The following AGBL4 variants were observed in gnomAD, a reference collection of about 807,000 sequenced individuals.
The protein encoded by AGBL4 is AGBL carboxypeptidase 4, also known as cytosolic carboxypeptidase 6.
A neutral mutation model predicts 66.4 loss-of-function variants in AGBL4; 58 were observed. That is an observed-to-expected ratio of 0.87 (90% CI 0.71 to 1.09). AGBL4 has a LOEUF of 1.09. Among genes scored for constraint, AGBL4 ranks in the 50% least tolerant of loss-of-function variants. The pLI, the probability that AGBL4 is intolerant of heterozygous loss-of-function variation, is 0.00. For missense variants in AGBL4, 579 were observed against 631.0 expected, an observed-to-expected ratio of 0.92 and a Z score of 0.88; for synonymous variants, 234 against 222.9, an observed-to-expected ratio of 1.05 and a Z score of -0.44.
At chr1:49,486,377 T>G (rs1173987481) in intron 3 of AGBL4, among the ~76,000 whole-genome samples, 2 of 151,942 alleles carry the variant, frequency 1.3e-5, no homozygotes, top group African/African-American at 2.4e-5. Context: ...ATACAGCTGG[T>G]TAAACACACC....
At chr1:49,243,546 G>A (rs1482910791) in intron 4 of AGBL4, among the ~76,000 whole-genome samples, 1 of 151,682 alleles carries the variant, frequency 6.6e-6, no homozygotes, top group East Asian at 1.9e-4. Flanking sequence ...ACAGTAGCAA[G>A]GAGAATAACA....
intron 9 of AGBL4, among the ~76,000 whole-genome samples, chr1:48,601,548 G>T: frequency 6.6e-6 from 1 of 152,178 alleles, no homozygotes; most frequent in Non-Finnish European, 1.5e-5. Flanking sequence ...GGAGCTTGGG[G>T]ACAAGCTTAC....
At chr1:49,659,040 TA>T (rs1190915895) in intron 3 of AGBL4, among the ~76,000 whole-genome samples, 1 of 151,992 alleles carries the variant, frequency 6.6e-6, no homozygotes, top group African/African-American at 2.4e-5. Flanking sequence ...ATTTTCAACC[TA>T]AAATTGTATA....
chr1:48,979,855 A>G lies in AGBL4; in HGVS notation c.594+65729T>C, dbSNP rs549063039. Among the ~76,000 whole-genome samples the G allele has an allele frequency of 2.4e-4, 36 of 152,310 alleles. 1 individual carries two copies. In the South Asian group the frequency reaches 7.5e-3, roughly 32 times the overall value. On this transcript the variant is annotated intron_variant, in intron 5 of 13. Transcript: ENST00000371839. ...ATGATACTTCCCAATTTTATATAGA[A>G]GGGAGGTTTTATGAGTTGAAATTAA... is the stretch of plus-strand genomic sequence containing the variant.
At chr1:49,728,935 AC>A (rs993021952) in intron 2 of AGBL4, among the ~76,000 whole-genome samples, 4 of 152,238 alleles carry the variant, frequency 2.6e-5, no homozygotes, top group African/African-American at 9.6e-5. Flanking sequence ...AAGATTAGTA[AC>A]AAAATGTCAA....
At chr1:48,759,440 T>A in intron 6 of AGBL4, 1 of 1,295,794 alleles carries the variant, frequency 7.7e-7, no homozygotes. Flanking sequence ...CCCTTCATTT[T>A]ATAAATGGGG....
chr1:48,683,702 C>T (rs1310229900), intron 6 of AGBL4, among the ~76,000 whole-genome samples: 1 of 152,178 alleles, frequency 6.6e-6, no homozygotes, highest in Non-Finnish European at 1.5e-5. Flanking sequence ...TCGTCTGGCT[C>T]CATTAACAAG....
chr1:49,262,099 C>T (rs1276472556), intron 3 of AGBL4, among the ~76,000 whole-genome samples: 1 of 152,058 alleles, frequency 6.6e-6, no homozygotes, highest in Non-Finnish European at 1.5e-5. Flanking sequence ...GGAAAACTGG[C>T]TAGCCATATG....
chr1:49,366,158 CA>C (rs999162266), intron 3 of AGBL4, among the ~76,000 whole-genome samples: 57 of 150,568 alleles, frequency 3.8e-4, no homozygotes, highest in Non-Finnish European at 6.8e-4. Context: ...CCTCATTCTT[CA>C]AAAAAAAAGA....
intron 6 of AGBL4, among the ~76,000 whole-genome samples, chr1:48,682,476 A>G (rs535739284): frequency 6.6e-6 from 1 of 150,594 alleles, no homozygotes; most frequent in Admixed American, 6.6e-5. Flanking sequence ...AGGCATGATC[A>G]TGGCTCACTG....
chr1:49,392,169 TA>T (rs1644864690), intron 3 of AGBL4, among the ~76,000 whole-genome samples: 2 of 152,164 alleles, frequency 1.3e-5, no homozygotes, highest in Non-Finnish European at 2.9e-5. Flanking sequence ...GTAAATTAAG[TA>T]AAATTATAAT....
At chr1:49,483,115 C>T (rs565356986) in intron 3 of AGBL4, among the ~76,000 whole-genome samples, 32 of 151,984 alleles carry the variant, frequency 2.1e-4, no homozygotes, top group Non-Finnish European at 3.4e-4. Flanking sequence ...TGGAGAGTTC[C>T]GTAGATATCT....
Position 49,699,323 on chromosome 1 carries a change from T to A in AGBL4, c.158-1886A>T, listed in dbSNP as rs369773727. Among the ~76,000 whole-genome samples, 4 of 152,032 alleles carry A rather than the reference T, an allele frequency of 2.6e-5. No individual in the cohort carries two copies. In the East Asian group the frequency reaches 7.7e-4, roughly 29 times the overall value. Reference sequence around the variant, plus strand: ...TTGTGATGAGCATTCTCTGTATGTGTGTGTGTGTACATAAAAAATACTTTC... The same window carrying A: ...TTGTGATGAGCATTCTCTGTATGTGAGTGTGTGTACATAAAAAATACTTTC... On this transcript the variant is annotated intron_variant, in intron 2 of 13. Transcript: ENST00000371839.
Position 48,736,136 on chromosome 1 carries a change from G to T in AGBL4, c.635-72895C>A. 2 of 1,339,882 alleles carry T rather than the reference G, an allele frequency of 1.5e-6. No individual in the cohort carries two copies. The highest frequency in any genetic ancestry group is 2.1e-6 in the Non-Finnish European group (2 of 945,490). 83.0% of individuals were successfully genotyped at this position (1,339,882 alleles called of 1,614,324 possible). ...CCGGGCTCAGCCCAGGGTCTGGCAT[G>T]CAGAAGCTTCATAAGTAATCGTTGA... On this transcript the variant is annotated intron_variant, in intron 6 of 13. Coordinates refer to ENST00000371839, the MANE Select transcript of AGBL4 (RefSeq NM_032785.4). This position sits in a 1 kb window ranked among gnomAD's most constrained non-coding sequence, Gnocchi z 4.0.
chr1:48,990,454 T>G (rs953478656), intron 5 of AGBL4, among the ~76,000 whole-genome samples: 8 of 152,004 alleles, frequency 5.3e-5, no homozygotes, highest in African/African-American at 1.9e-4. Flanking sequence ...ATCAATAAAT[T>G]TTTGCAAAGA....
rs1409116206 is a variant in AGBL4, at chr1:49,919,486, C to T, written c.35-67968G>A. ...CAAATCATGAATGAACTCCCATTCA[C>T]AATTGCTTCAAAGAGAATAAAATAC... On this transcript the variant is annotated intron_variant, in intron 1 of 13. Transcript: ENST00000371839. Among the ~76,000 whole-genome samples, 5 of 152,204 alleles carry T rather than the reference C, an allele frequency of 3.3e-5. No individual in the cohort carries two copies. The East Asian group carries it at 9.6e-4, about 29-fold the overall frequency.
At chr1:48,783,318 G>A (rs1645340245) in intron 6 of AGBL4, among the ~76,000 whole-genome samples, 1 of 152,130 alleles carries the variant, frequency 6.6e-6, no homozygotes, top group Admixed American at 6.5e-5. Flanking sequence ...TCCTGCTCAT[G>A]AAGTCTGATT....
At chr1:48,748,350 T>G (rs2148618474) in intron 6 of AGBL4, among the ~76,000 whole-genome samples, 1 of 152,338 alleles carries the variant, frequency 6.6e-6, no homozygotes. Flanking sequence ...TCTGGTTTCA[T>G]TCCTTTGGTG....
At chr1:48,678,649 C>T (rs1188904944) in intron 6 of AGBL4, among the ~76,000 whole-genome samples, 1 of 152,180 alleles carries the variant, frequency 6.6e-6, no homozygotes, top group South Asian at 2.1e-4. Context: ...GCCATGCCTT[C>T]AAATAGCACC....
Sources: allele counts gnomAD v4.1 joint callset (sites outside exome capture counted in the v4.1 genomes callset), GRCh38; gene constraint gnomAD v4.1.1; non-coding constraint Gnocchi (gnomAD v3.1); transcripts MANE v1.5; gene names NCBI Gene and HGNC (gene_info 2026-07-23, HGNC 2026-07-21).